SPMIP4: variants seen among roughly 807,000 people sequenced by gnomAD.
The protein encoded by SPMIP4 is sperm-associated microtubule inner protein 4.
At chr7:25,173,616 C>T in the SPMIP4 span, among the ~76,000 whole-genome samples, 5 of 152,176 alleles carry the variant, frequency 3.3e-5, no homozygotes, top group African/African-American at 9.7e-5. The surrounding 1 kb of genome is among the most constrained non-coding windows in gnomAD (Gnocchi z 4.4). Context: ...CAGACCTCTA[C>T]GTCCTCCCTA....
chr7:25,136,331 G>A, the SPMIP4 span: 190 of 1,614,154 alleles, frequency 1.2e-4, no homozygotes, highest in Middle Eastern at 6.6e-4. This position sits in a 1 kb window ranked among gnomAD's most constrained non-coding sequence, Gnocchi z 5.7. Context: ...TACTGATCAC[G>A]TAGGGGAGAT....
the SPMIP4 span, chr7:25,136,337 G>A: frequency 3.1e-6 from 5 of 1,614,074 alleles, no homozygotes; most frequent in African/African-American, 4.0e-5. The surrounding 1 kb of genome is among the most constrained non-coding windows in gnomAD (Gnocchi z 5.7). Flanking sequence ...TCACGTAGGG[G>A]AGATTTAAGA....
At chr7:25,148,543 C>T in the SPMIP4 span, among the ~76,000 whole-genome samples, 89,056 of 148,488 alleles carry the variant, frequency 0.6, 27,903 homozygotes, top group Non-Finnish European at 0.69. Flanking sequence ...GGTGCCACCT[C>T]GGGTCACTGC....
At chr7:25,162,301 A>G in the SPMIP4 span, among the ~76,000 whole-genome samples, 7 of 151,310 alleles carry the variant, frequency 4.6e-5, 1 homozygote, top group South Asian at 1.2e-3. Flanking sequence ...TTAAAAAAAT[A>G]AAAAATAAAA....
chr7:25,139,552 T>G, the SPMIP4 span, among the ~76,000 whole-genome samples: 1 of 152,152 alleles, frequency 6.6e-6, no homozygotes, highest in Non-Finnish European at 1.5e-5. Context: ...TCACTGTAGC[T>G]TGGACTTAAA....
chr7:25,140,109 A>G, the SPMIP4 span, among the ~76,000 whole-genome samples: 1 of 152,210 alleles, frequency 6.6e-6, no homozygotes, highest in African/African-American at 2.4e-5. Flanking sequence ...AACACACCTG[A>G]CAACATATGT....
At chr7:25,142,219 A>G in the SPMIP4 span, 6 of 1,570,106 alleles carry the variant, frequency 3.8e-6, no homozygotes, top group South Asian at 5.6e-5. Flanking sequence ...AAAATAACTG[A>G]GAGTTGACTG....
At chr7:25,146,879 A>G in the SPMIP4 span, among the ~76,000 whole-genome samples, 1 of 152,228 alleles carries the variant, frequency 6.6e-6, no homozygotes, top group Non-Finnish European at 1.5e-5. Context: ...GGTAGATTAC[A>G]TCCTAGAGAC....
At chr7:25,137,687 G>T in the SPMIP4 span, among the ~76,000 whole-genome samples, 3 of 152,100 alleles carry the variant, frequency 2.0e-5, no homozygotes, top group Non-Finnish European at 4.4e-5. Context: ...TCTCTCTGCA[G>T]CATGTCTACC....
chr7:25,131,762 G>A, the SPMIP4 span, among the ~76,000 whole-genome samples: 4 of 152,134 alleles, frequency 2.6e-5, no homozygotes, highest in Non-Finnish European at 5.9e-5. The surrounding 1 kb of genome is among the most constrained non-coding windows in gnomAD (Gnocchi z 4.2). Flanking sequence ...CATGGGTCAC[G>A]GAAGAGAACC....
chr7:25,145,729 G>C, the SPMIP4 span, among the ~76,000 whole-genome samples: 1 of 152,152 alleles, frequency 6.6e-6, no homozygotes, highest in South Asian at 2.1e-4. Flanking sequence ...TATATAAATG[G>C]TGGTTACATT....
At chr7:25,140,223 C>T in the SPMIP4 span, among the ~76,000 whole-genome samples, 2 of 152,180 alleles carry the variant, frequency 1.3e-5, no homozygotes, top group Non-Finnish European at 2.9e-5. Context: ...TAAACCTGCT[C>T]CTGGTGTTAT....
At chr7:25,166,578 C>T in the SPMIP4 span, among the ~76,000 whole-genome samples, 1 of 148,510 alleles carries the variant, frequency 6.7e-6, no homozygotes, top group Admixed American at 6.7e-5. Context: ...CACAGCAAGA[C>T]TCTGTCTCAA....
the SPMIP4 span, among the ~76,000 whole-genome samples, chr7:25,166,556 G>A: frequency 6.1e-5 from 9 of 147,042 alleles, no homozygotes; most frequent in East Asian, 6.2e-4. Flanking sequence ...CACTGCACTC[G>A]AGCCTGGGCA....
chr7:25,169,971 T>C, the SPMIP4 span, among the ~76,000 whole-genome samples: 3 of 152,216 alleles, frequency 2.0e-5, no homozygotes. Context: ...TGGGTTATTT[T>C]CACCTTTTAA....
chr7:25,127,348 G>C, the SPMIP4 span, among the ~76,000 whole-genome samples: 1 of 152,064 alleles, frequency 6.6e-6, no homozygotes, highest in African/African-American at 2.4e-5. Flanking sequence ...CCAGTTTCTA[G>C]ATCTTATAGG....
chr7:25,168,529 A>G, the SPMIP4 span: 23 of 1,346,336 alleles, frequency 1.7e-5, 1 homozygote, highest in Admixed American at 7.9e-5. Context: ...ATTGCATAAC[A>G]GATTGCATAA....
At chr7:25,141,191 T>C in the SPMIP4 span, among the ~76,000 whole-genome samples, 8 of 152,340 alleles carry the variant, frequency 5.3e-5, no homozygotes, top group East Asian at 3.9e-4. Context: ...TATTGGCTTT[T>C]CATTGTAATT....
At chr7:25,136,781 G>A in the SPMIP4 span, 4 of 1,607,054 alleles carry the variant, frequency 2.5e-6, no homozygotes, top group African/African-American at 4.0e-5. This position sits in a 1 kb window ranked among gnomAD's most constrained non-coding sequence, Gnocchi z 5.7. Flanking sequence ...AAGACAGGGT[G>A]GAATTTTTCT....
Sources: allele counts gnomAD v4.1 joint callset (sites outside exome capture counted in the v4.1 genomes callset), GRCh38; gene constraint gnomAD v4.1.1; non-coding constraint Gnocchi (gnomAD v3.1); transcripts MANE v1.5; gene names NCBI Gene and HGNC (gene_info 2026-07-23, HGNC 2026-07-21).